Variants in CCDC158 observed in about 807,000 individuals in gnomAD.
CCDC158 encodes coiled-coil domain containing 158.
CCDC158 carries 116 observed loss-of-function variants against 138.6 expected under a neutral mutation model. The observed-to-expected ratio is 0.84, with a 90% CI of 0.72 to 0.98. The LOEUF is 0.98. Ranked by LOEUF, CCDC158 falls within the 50% of genes least tolerant of loss-of-function variation. The probability of loss-of-function intolerance (pLI) is 0.00; values close to 1 mark genes in which losing one functional copy is unlikely to be tolerated. For synonymous variants in CCDC158, 436 were observed against 442.4 expected (o/e 0.99, Z 0.18); for missense variants, 1,265 against 1,306.1 (o/e 0.97, Z 0.48).
At chr4:76,375,621 G>A in intron 9 of CCDC158, 1 of 702,948 alleles carries the variant, frequency 1.4e-6, no homozygotes, top group Admixed American at 2.0e-5. Context: ...AAAAGCGAAA[G>A]TTAAGGGTAA....
chr4:76,357,269 G>C, intron 14 of CCDC158, 105 bp downstream of exon 14: 2 of 633,152 alleles, frequency 3.2e-6, no homozygotes, highest in Non-Finnish European at 5.0e-6. Flanking sequence ...ACATCATTTA[G>C]CACTGTGAAG....
rs188428796 is a variant in CCDC158 at position 76,392,867 on chromosome 4, C to A, written c.288+3402G>T. ...ACAGTGAGCAATCTGAAAAAGAAAT[C>A]AAAAAAGTAATCCCATTACAAGTTC... On this transcript the variant is annotated intron_variant, in intron 4 of 24. Coordinates refer to ENST00000682701, the MANE Select transcript of CCDC158 (RefSeq NM_001394954.1). Among the ~76,000 whole-genome samples, 444 of 151,658 alleles carry A rather than the reference C, an allele frequency of 2.9e-3. 2 individuals are homozygous for A. Among genetic ancestry groups the A allele is most frequent in the African/African-American group, 0.01 (416 of 41,452 alleles).
intron 14 of CCDC158, 123 bp from the exon 15 acceptor site, chr4:76,355,559 C>A: frequency 1.4e-6 from 1 of 709,328 alleles, no homozygotes; most frequent in South Asian, 1.6e-5. Flanking sequence ...TGGGCAGTTT[C>A]AAGGAAAAGA....
At chr4:76,356,069 A>G (rs966010409) in intron 14 of CCDC158, among the ~76,000 whole-genome samples, 1 of 152,138 alleles carries the variant, frequency 6.6e-6, no homozygotes, top group African/African-American at 2.4e-5. Context: ...TCTTATAGTC[A>G]GCTGAGGAAA....
intron 10 of CCDC158, 63 bp from the exon 11 acceptor site, chr4:76,369,686 G>A: frequency 1.4e-6 from 2 of 1,397,518 alleles, no homozygotes; most frequent in Non-Finnish European, 2.0e-6. Context: ...AAAACATATT[G>A]TCTTTATATC....
chr4:76,349,353 G>T (rs1204158509), intron 18 of CCDC158, among the ~76,000 whole-genome samples: 2 of 152,130 alleles, frequency 1.3e-5, no homozygotes, highest in African/African-American at 4.8e-5. Context: ...GTTCATTTTT[G>T]CTGTTAGAAT....
chr4:76,350,050 T>G (rs559680175), intron 18 of CCDC158, among the ~76,000 whole-genome samples: 3 of 152,328 alleles, frequency 2.0e-5, no homozygotes, highest in Admixed American at 6.5e-5. Context: ...CTAATTTAAT[T>G]TTTATCAATG....
chr4:76,393,097 A>AGGGATTT (rs1488824182), intron 4 of CCDC158, among the ~76,000 whole-genome samples: 1 of 152,224 alleles, frequency 6.6e-6, no homozygotes, highest in African/African-American at 2.4e-5. Context: ...CTATAAAAAT[A>AGGGATTT]CTAATGACAT....
chr4:76,374,129 C>T (rs1470308458), intron 9 of CCDC158, among the ~76,000 whole-genome samples: 1 of 152,040 alleles, frequency 6.6e-6, no homozygotes, highest in Non-Finnish European at 1.5e-5. Context: ...GCACTCCAGC[C>T]TTGGCAACAG....
intron 4 of CCDC158, among the ~76,000 whole-genome samples, chr4:76,385,942 GAATGCAA>G (rs1384438411): frequency 4.3e-4 from 65 of 152,324 alleles, no homozygotes; most frequent in African/African-American, 1.5e-3. Flanking sequence ...TAGCGATACT[GAATGCAA>G]AAGCACAGTA....
At chr4:76,343,860 C>T (rs564981747) in intron 18 of CCDC158, among the ~76,000 whole-genome samples, 16 of 152,064 alleles carry the variant, frequency 1.1e-4, no homozygotes, top group African/African-American at 2.4e-4. Flanking sequence ...CATGAAAGAA[C>T]GGAAAGCTAC....
intron 12 of CCDC158, among the ~76,000 whole-genome samples, chr4:76,363,709 G>T (rs1724380698): frequency 6.6e-6 from 1 of 152,154 alleles, no homozygotes; most frequent in Non-Finnish European, 1.5e-5. Flanking sequence ...TGAAGTCAGA[G>T]AGGGGCCAAG....
rs1725041395 is a variant in CCDC158, at chr4:76,369,605, C to T, written c.1168G>A (p.Glu390Lys). ...TCCTTCTCCAGACTCAGCTCCTTCT[C>T]CCTTTTGTGTAGATCAGCCTAAAAA... ...QKLLADLHKREKELSLEKEQN... is the reference protein window; with the variant it reads ...QKLLADLHKRKKELSLEKEQN... The change falls in exon 11 of 25, where the codon GAG becomes AAG. Residue 390 changes from glutamate to lysine, a missense_variant. Transcript: ENST00000682701. The T allele has an allele frequency of 1.4e-5, 22 of 1,614,026 alleles. No homozygotes were observed. Among genetic ancestry groups the T allele is most frequent in the Non-Finnish European group, 1.8e-5 (21 of 1,180,016 alleles).
In CCDC158 at chr4:76,353,324, T is replaced by C. The variant is rs574281621; in HGVS notation, c.2287-43A>G. The C allele has an allele frequency of 2.1e-6, 3 of 1,460,840 alleles. No individual in the cohort carries two copies. In the Admixed American group the frequency reaches 6.3e-5, roughly 31 times the overall value. The allele number at this position is 1,460,840 out of a possible 1,614,324, so 90.5% of individuals were successfully genotyped here. A position where few individuals can be genotyped will look rare whatever the true frequency, so the allele number is the denominator to read the frequency against. ...AAAAACATCAGAAATAACCTGTTGA[T>C]GTAGATGCTGAAAGGTAATGGAAAT... On this transcript the variant is annotated intron_variant, in intron 15 of 24. Coordinates refer to ENST00000682701, the MANE Select transcript of CCDC158 (RefSeq NM_001394954.1).
chr4:76,418,757 A>G lies in CCDC158; in HGVS notation c.-117+2208T>C, dbSNP rs559639286. 5.9e-5 allele frequency among the ~76,000 whole-genome samples: 9 copies of G among 152,296 alleles called. No individual in the cohort carries two copies. The East Asian group carries it at 1.7e-3, about 29-fold the overall frequency. On this transcript the variant is annotated intron_variant, in intron 1 of 24. Coordinates refer to ENST00000682701, the MANE Select transcript of CCDC158 (RefSeq NM_001394954.1). Reference sequence around the variant, plus strand: ...TTACCTTCCACTGGGTCCCTCCCGCAACACACGGGAATTGTGGGAGCTACA... The same window carrying G: ...TTACCTTCCACTGGGTCCCTCCCGCGACACACGGGAATTGTGGGAGCTACA...
chr4:76,334,983 C>T (rs559850193), intron 18 of CCDC158, among the ~76,000 whole-genome samples: 138 of 152,258 alleles, frequency 9.1e-4, no homozygotes, highest in African/African-American at 3.2e-3. Context: ...TTCTCCTCTT[C>T]TCAACTCCAC....
At chr4:76,368,559 T>C (rs1238272316) in intron 11 of CCDC158, among the ~76,000 whole-genome samples, 1 of 152,170 alleles carries the variant, frequency 6.6e-6, no homozygotes, top group African/African-American at 2.4e-5. Flanking sequence ...CCTGTGGCAG[T>C]AACTGGCATT....
At chr4:76,354,078 T>C (rs538380298) in intron 15 of CCDC158, among the ~76,000 whole-genome samples, 151 of 152,132 alleles carry the variant, frequency 9.9e-4, no homozygotes, top group Non-Finnish European at 1.4e-3. Context: ...ATTAATTGTA[T>C]AGGCTTTCTC....
At chr4:76,341,597 T>A (rs1180180741) in intron 18 of CCDC158, among the ~76,000 whole-genome samples, 1 of 152,256 alleles carries the variant, frequency 6.6e-6, no homozygotes, top group Non-Finnish European at 1.5e-5. Flanking sequence ...AAATCAATTC[T>A]ATCATCCTAG....
Sources: gnomAD v4.1 joint callset for allele counts (sites outside exome capture counted in the v4.1 genomes callset) on GRCh38, gnomAD v4.1.1 for gene constraint, MANE v1.5 for transcripts, NCBI Gene and HGNC (gene_info 2026-07-23, HGNC 2026-07-21) for gene names.